Variants in ZNF777 observed in about 807,000 individuals in gnomAD.
ZNF777 encodes zinc finger protein 777.
A neutral mutation model predicts 72.1 loss-of-function variants in ZNF777; 7 were observed. The observed-to-expected ratio is 0.10, with a 90% confidence interval of 0.06 to 0.18. The LOEUF (loss-of-function observed/expected upper bound fraction) is 0.18, where lower values mean the gene tolerates loss of function less well. Ranked by LOEUF, ZNF777 falls within the 10% of genes least tolerant of loss-of-function variation. The pLI, the probability that ZNF777 is intolerant of heterozygous loss-of-function variation, is 1.00. For synonymous variants in ZNF777, 545 were observed against 483.5 expected, an observed-to-expected ratio of 1.13 and a Z score of -1.67; for missense variants, 828 against 1,128.6, an observed-to-expected ratio of 0.73 and a Z score of 3.82.
rs550113864 is a variant in ZNF777 at position 149,445,783 on chromosome 7, C to G, written c.1087+5216G>C. 5.9e-5 allele frequency among the ~76,000 whole-genome samples: 9 copies of G among 152,270 alleles called. No individual in the cohort carries two copies. The South Asian group carries it at 1.9e-3, about 32-fold the overall frequency. On this transcript the variant is annotated intron_variant, in intron 4 of 5. Coordinates refer to ENST00000247930, the MANE Select transcript of ZNF777 (RefSeq NM_015694.3). Reference sequence around the variant, plus strand: ...TATCAGGGCTAGGGAAAGGCAGATGCCTGCAGTAGGGACTGAGGGAGGCAA... The same window carrying G: ...TATCAGGGCTAGGGAAAGGCAGATGGCTGCAGTAGGGACTGAGGGAGGCAA...
intron 4 of ZNF777, among the ~76,000 whole-genome samples, chr7:149,449,250 T>C (rs1799671528): frequency 6.6e-6 from 1 of 152,156 alleles, no homozygotes; most frequent in African/African-American, 2.4e-5. Context: ...TCCCAGGGCC[T>C]GGAGATGGTG....
rs745517061 is a variant in ZNF777 at position 149,432,695 on chromosome 7, A to T, written c.1577T>A (p.Leu526Gln). 6.2e-7 allele frequency: 1 copy of T among 1,612,834 alleles called. No individual in the cohort carries two copies. Residue 526 changes from leucine (L) to glutamine (Q), a missense_variant, in exon 6 of 6, where the codon CTG (leucine) becomes CAG (glutamine). Physicochemically the swap from Leu to Gln is moderately radical, Grantham distance 113 (BLOSUM62 -2). This residue lies in a region of ZNF777 where 219 missense variants were observed against 223.0 expected (regional missense o/e 0.98). Coordinates refer to ENST00000247930, the MANE Select transcript of ZNF777 (RefSeq NM_015694.3). ...GCTCGAGGCCCCGCGGTTCTCGCTCAGGTGCCGCTCACCGTGCACGGAGGG... is the reference window on the plus strand; with the variant it reads ...GCTCGAGGCCCCGCGGTTCTCGCTCTGGTGCCGCTCACCGTGCACGGAGGG... ...LAPSVHGERH[L>Q]SENRGASSQQ...
At chr7:149,435,172 T>C (rs949243522) in intron 5 of ZNF777, among the ~76,000 whole-genome samples, 2 of 152,032 alleles carry the variant, frequency 1.3e-5, no homozygotes, top group African/African-American at 4.8e-5. Flanking sequence ...GGTAGATCCA[T>C]ATATGTACAT....
intron 4 of ZNF777, among the ~76,000 whole-genome samples, chr7:149,441,871 G>T (rs1257974115): frequency 2.0e-5 from 3 of 151,350 alleles, no homozygotes; most frequent in South Asian, 2.1e-4. Flanking sequence ...GGTTTTTTTT[G>T]AGATGCTCAC....
At chr7:149,447,276 G>A (rs1190489773) in intron 4 of ZNF777, among the ~76,000 whole-genome samples, 10 of 152,244 alleles carry the variant, frequency 6.6e-5, no homozygotes, top group African/African-American at 1.7e-4. Flanking sequence ...CTCTGCTGCC[G>A]ACACCCAAAT....
intron 4 of ZNF777, among the ~76,000 whole-genome samples, chr7:149,441,048 A>C (rs1353486253): frequency 1.3e-5 from 2 of 152,154 alleles, no homozygotes; most frequent in Non-Finnish European, 2.9e-5. Context: ...CCCTCAAAAC[A>C]GGCAGTATGT....
chr7:149,457,930 G>T (rs2116611389), intron 1 of ZNF777, among the ~76,000 whole-genome samples: 1 of 152,302 alleles, frequency 6.6e-6, no homozygotes, highest in Non-Finnish European at 1.5e-5. Flanking sequence ...CAGTGGTCTG[G>T]TTCCACAGCC....
At chr7:149,446,008 C>T (rs2116588529) in intron 4 of ZNF777, among the ~76,000 whole-genome samples, 1 of 152,332 alleles carries the variant, frequency 6.6e-6, no homozygotes, top group South Asian at 2.1e-4. Context: ...CAGCTCACCA[C>T]ATCTATCCAC....
At chr7:149,453,259 TCACAATTAAAAAA>T (rs1284209838) in intron 3 of ZNF777, among the ~76,000 whole-genome samples, 1 of 151,986 alleles carries the variant, frequency 6.6e-6, no homozygotes, top group African/African-American at 2.4e-5. Context: ...TGTTGAATTT[TCACAATTAAAAAA>T]CACAATTAAA....
chr7:149,442,833 G>A (rs1199125350), intron 4 of ZNF777, among the ~76,000 whole-genome samples: 2 of 152,040 alleles, frequency 1.3e-5, no homozygotes, highest in African/African-American at 4.8e-5. Context: ...TCACCCTTAT[G>A]GAAAGTCAAA....
At chr7:149,433,029 A>G (rs1396508476) in intron 5 of ZNF777, 97 bp from the exon 6 acceptor site, 4 of 1,404,984 alleles carry the variant, frequency 2.8e-6, no homozygotes, top group East Asian at 5.2e-5. Context: ...TCACCAAAAC[A>G]TTGCATTATT....
At position 149,431,454 on chromosome 7, in the gene ZNF777, AC is replaced by A. The variant is rs1461326718; in HGVS notation, c.*321del. On this transcript the variant is annotated 3_prime_UTR_variant, in exon 6 of 6. Transcript: ENST00000247930. ...CTATCCCCAACTAGATGGGCCCTACACCGCCCCTCTGAGTGGCCGGCGGCCA... is the reference window on the plus strand; with the variant it reads ...CTATCCCCAACTAGATGGGCCCTACACGCCCCTCTGAGTGGCCGGCGGCCA... The A allele has an allele frequency of 2.3e-6, 1 of 443,006 alleles. No homozygotes were observed. The highest frequency in any genetic ancestry group is 4.5e-6 in the Non-Finnish European group (1 of 221,234). The allele number at this position is 443,006 out of a possible 1,614,324, so 27.4% of individuals were successfully genotyped here.
chr7:149,436,341 T>C lies in ZNF777; in HGVS notation c.1339+234A>G, dbSNP rs927866556. On this transcript the variant is annotated intron_variant, in intron 5 of 5. Transcript: ENST00000247930. This position sits in a 1 kb window ranked among gnomAD's most constrained non-coding sequence, Gnocchi z 5.0. ...GGGATAGGTGAGCTCTGAGATCCCT[T>C]TGCCTGAACCAGTCTTTAGATGTAA... Among the ~76,000 whole-genome samples the C allele has an allele frequency of 6.6e-6, 1 of 152,170 alleles. No individual in the cohort carries two copies. Among genetic ancestry groups the C allele is most frequent in the African/African-American group, 2.4e-5 (1 of 41,436 alleles).
At chr7:149,450,470 C>G (rs1799692502) in intron 4 of ZNF777, among the ~76,000 whole-genome samples, 1 of 152,182 alleles carries the variant, frequency 6.6e-6, no homozygotes, top group Non-Finnish European at 1.5e-5. Flanking sequence ...AAACTATACT[C>G]AGATACAGTC....
chr7:149,459,346 C>G (rs1266758564), intron 1 of ZNF777, among the ~76,000 whole-genome samples: 5 of 152,174 alleles, frequency 3.3e-5, no homozygotes, highest in Non-Finnish European at 7.4e-5. Context: ...GAACATCAGC[C>G]CCCAACCCCT....
intron 3 of ZNF777, among the ~76,000 whole-genome samples, chr7:149,453,577 A>T (rs1332044457): frequency 6.6e-6 from 1 of 152,204 alleles, no homozygotes; most frequent in African/African-American, 2.4e-5. Flanking sequence ...CCATGAAATA[A>T]GCATTTAACC....
In ZNF777 at chr7:149,456,082, T is replaced by C. The variant is rs147505127; in HGVS notation, c.-15-45A>G. On this transcript the variant is annotated intron_variant, in intron 1 of 5. Transcript: ENST00000247930. Reference sequence around the variant, plus strand: ...GAAAAGAGGATTAAAGGCCACAGTCTCCAGCTAGCAAAATAAAACCCAAAG... The same window carrying C: ...GAAAAGAGGATTAAAGGCCACAGTCCCCAGCTAGCAAAATAAAACCCAAAG... 31 of 1,503,128 alleles carry C rather than the reference T, an allele frequency of 2.1e-5. 1 individual carries two copies. The African/African-American group carries it at 3.9e-4, about 19-fold the overall frequency. 93.1% of individuals were successfully genotyped at this position (1,503,128 alleles called of 1,614,324 possible).
At chr7:149,458,169 G>C (rs899919181) in intron 1 of ZNF777, among the ~76,000 whole-genome samples, 1 of 152,130 alleles carries the variant, frequency 6.6e-6, no homozygotes, top group Non-Finnish European at 1.5e-5. Context: ...TGAAAGTTTT[G>C]GGTTCTTGTC....
At chr7:149,435,232 A>G (rs1310436567) in intron 5 of ZNF777, among the ~76,000 whole-genome samples, 1 of 152,156 alleles carries the variant, frequency 6.6e-6, no homozygotes, top group Non-Finnish European at 1.5e-5. Flanking sequence ...GTGCAGTGAT[A>G]CAATCATGGC....
Sources: gnomAD v4.1 joint callset for allele counts (sites outside exome capture counted in the v4.1 genomes callset) on GRCh38, gnomAD v4.1.1 for gene constraint, gnomAD v4.1.1 regional missense constraint, Gnocchi (gnomAD v3.1) non-coding constraint, MANE v1.5 for transcripts, NCBI Gene and HGNC (gene_info 2026-07-23, HGNC 2026-07-21) for gene names.